The following STK33 variants were observed in gnomAD, a reference collection of about 807,000 sequenced individuals.
STK33 encodes serine/threonine kinase 33, also known as serine/threonine-protein kinase 33.
Under a neutral mutation model 58.0 loss-of-function variants are expected in STK33, and 52 were observed. The ratio of observed to expected loss-of-function variants is 0.90; its 90% CI spans 0.72 to 1.13. The LOEUF is 1.13. Among genes scored for constraint, STK33 ranks in the 50% most tolerant of loss-of-function variants. STK33 has a pLI of 0.00. For missense variants in STK33, 630 were observed against 604.2 expected, an observed-to-expected ratio of 1.04 and a Z score of -0.45; for synonymous variants, 215 against 200.1, an observed-to-expected ratio of 1.07 and a Z score of -0.63.
the STK33 span, among the ~76,000 whole-genome samples, chr11:8,373,157 T>C: frequency 6.6e-6 from 1 of 152,104 alleles, no homozygotes; most frequent in Non-Finnish European, 1.5e-5. Flanking sequence ...TCTCGGCTTG[T>C]TCTCACAGCA....
intron 10 of STK33, 82 bp from the exon 11 acceptor site, chr11:8,452,988 T>C: frequency 8.0e-7 from 1 of 1,252,812 alleles, no homozygotes; most frequent in South Asian, 1.2e-5. Flanking sequence ...TCACATTGAA[T>C]TTGCATTGAA....
At chr11:8,473,381 A>G (rs919073688) in intron 5 of STK33, 105 bp from the exon 6 acceptor site, 2 of 678,820 alleles carry the variant, frequency 2.9e-6, no homozygotes, top group Non-Finnish European at 5.0e-6. Flanking sequence ...AACGTGTGCC[A>G]TGTTTACTAT....
In STK33 at chr11:8,413,680, A is replaced by G. The variant is rs1414296578; in HGVS notation, c.1159T>C (p.Ser387Pro). 4 of 1,611,200 alleles carry G rather than the reference A, an allele frequency of 2.5e-6. No individual in the cohort carries two copies. Among genetic ancestry groups the G allele is most frequent in the African/African-American group, 2.7e-5 (2 of 74,890 alleles). Residue 387 changes from serine (S) to proline (P), a missense_variant, in exon 15 of 16, where the codon TCT becomes CCT. Coordinates refer to ENST00000687296, the MANE Select transcript of STK33 (RefSeq NM_001352389.2). ...AATACATTGGTTGGTCTCACCGAAG[A>G]AAGTTTATTGCCCTAATATTAACAA... The part of the protein sequence containing the change: ...DNQWLTGNKL[S>P]SVRPTNVLEM...
At chr11:8,354,472 CCTCA>C in the STK33 span, among the ~76,000 whole-genome samples, 6 of 55,990 alleles carry the variant, frequency 1.1e-4, no homozygotes, top group Admixed American at 1.4e-3. Context: ...GTCTGCAAAA[CCTCA>C]CACACACACA....
At chr11:8,475,813 T>C (rs1228643322) in intron 4 of STK33, 1 of 152,170 alleles carries the variant, frequency 6.6e-6, no homozygotes, top group African/African-American at 2.4e-5. Flanking sequence ...CCAGAAGTAA[T>C]TGGGAGTACA....
intron 14 of STK33, among the ~76,000 whole-genome samples, chr11:8,426,222 T>C (rs116219838): frequency 0.1 from 15,815 of 152,208 alleles, 912 homozygotes; most frequent in African/African-American, 0.13. Context: ...GGTTTTCCCC[T>C]GGAGTCAGGC....
At chr11:8,499,638 A>G (rs1204979514) in intron 1 of STK33, among the ~76,000 whole-genome samples, 1 of 152,234 alleles carries the variant, frequency 6.6e-6, no homozygotes, top group African/African-American at 2.4e-5. Context: ...TTATTGTGGC[A>G]CTATTCACAA....
chr11:8,440,845 T>G (rs1421598663), intron 11 of STK33, 92 bp from the exon 12 acceptor site: 3 of 1,269,994 alleles, frequency 2.4e-6, no homozygotes, highest in Non-Finnish European at 3.3e-6. Flanking sequence ...GCTGATGTGC[T>G]GTAATTTATT....
intron 12 of STK33, 72 bp downstream of exon 12, chr11:8,440,606 T>C (rs1379430634): frequency 8.0e-7 from 1 of 1,256,582 alleles, no homozygotes; most frequent in African/African-American, 1.5e-5. Context: ...TAGTTTTAAT[T>C]TAAAGTCTAT....
chr11:8,505,425 C>T (rs1259082918), intron 1 of STK33, among the ~76,000 whole-genome samples: 1 of 152,192 alleles, frequency 6.6e-6, no homozygotes, highest in African/African-American at 2.4e-5. Flanking sequence ...AGTTTCTCTC[C>T]TCTCTGTGCT....
chr11:8,460,991 A>G (rs1947451811), intron 8 of STK33, among the ~76,000 whole-genome samples: 1 of 152,210 alleles, frequency 6.6e-6, no homozygotes, highest in African/African-American at 2.4e-5. Flanking sequence ...ATTTAATGAG[A>G]CAGATGCTTT....
In STK33 at chr11:8,392,153, C is replaced by T; in HGVS notation, c.*357G>A. On this transcript the variant is annotated 3_prime_UTR_variant, in exon 16 of 16. Coordinates refer to ENST00000687296, the MANE Select transcript of STK33 (RefSeq NM_001352389.2). ...TTACTATATTTGGCCTCTTGTTTTC[C>T]CCTATAAATAGCTGTGCCTAAACAT... is the stretch of plus-strand genomic sequence containing the variant. 1 of 228,606 alleles carries T rather than the reference C, an allele frequency of 4.4e-6. No homozygotes were observed. The highest frequency in any genetic ancestry group is 8.6e-6 in the Non-Finnish European group (1 of 116,588). The allele number at this position is 228,606 out of a possible 1,614,324, so 14.2% of individuals were successfully genotyped here. A position where few individuals can be genotyped will look rare whatever the true frequency, so the allele number is the denominator to read the frequency against.
At chr11:8,522,590 G>T (rs886429293) in intron 1 of STK33, among the ~76,000 whole-genome samples, 4 of 152,096 alleles carry the variant, frequency 2.6e-5, no homozygotes, top group African/African-American at 9.7e-5. Context: ...AAAATCTTTT[G>T]ATATTGTCTT....
chr11:8,540,986 C>CTATA (rs1245042876), intron 1 of STK33, among the ~76,000 whole-genome samples: 5 of 138,296 alleles, frequency 3.6e-5, no homozygotes, highest in African/African-American at 5.5e-5. Flanking sequence ...CTCTCTCTCT[C>CTATA]TCTCTCTCTA....
At chr11:8,386,869 T>G (rs941245289), downstream of STK33, among the ~76,000 whole-genome samples, 1 of 152,184 alleles carries the variant, frequency 6.6e-6, no homozygotes, top group Non-Finnish European at 1.5e-5. Flanking sequence ...AACATGATAG[T>G]GATTCTAACC....
chr11:8,547,279 A>G (rs1955997171), intron 1 of STK33, among the ~76,000 whole-genome samples: 1 of 152,060 alleles, frequency 6.6e-6, no homozygotes, highest in African/African-American at 2.4e-5. Flanking sequence ...CAATGGTGCA[A>G]TCTCGGCTCA....
At chr11:8,511,899 A>G (rs1952358317) in intron 1 of STK33, among the ~76,000 whole-genome samples, 1 of 152,110 alleles carries the variant, frequency 6.6e-6, no homozygotes, top group African/African-American at 2.4e-5. Flanking sequence ...AGATTTTTGC[A>G]TCTATCAAAA....
chr11:8,514,177 C>A (rs946216276), intron 1 of STK33, among the ~76,000 whole-genome samples: 9 of 152,122 alleles, frequency 5.9e-5, no homozygotes, highest in African/African-American at 2.2e-4. Context: ...GAATAGTACT[C>A]CATTGTATAT....
chr11:8,472,850 C>T (rs1948910436), intron 6 of STK33, among the ~76,000 whole-genome samples: 1 of 152,180 alleles, frequency 6.6e-6, no homozygotes, highest in Non-Finnish European at 1.5e-5. Context: ...TCCATCTCTG[C>T]ATCATGAAAA....
Sources: gnomAD v4.1 joint callset for allele counts (sites outside exome capture counted in the v4.1 genomes callset) on GRCh38, gnomAD v4.1.1 for gene constraint, MANE v1.5 for transcripts, NCBI Gene and HGNC (gene_info 2026-07-23, HGNC 2026-07-21) for gene names.